KCNIP1: variants seen among roughly 807,000 people sequenced by gnomAD.
KCNIP1 encodes the protein A-type potassium channel modulatory protein KCNIP1.
KCNIP1 carries 18 observed loss-of-function variants against 33.0 expected under a neutral mutation model. That is an observed-to-expected ratio of 0.55 (90% confidence interval 0.38 to 0.81). The LOEUF is 0.81. Among genes scored for constraint, KCNIP1 ranks in the 30% least tolerant of loss-of-function variants. The pLI is 0.00. For synonymous variants in KCNIP1, 93 were observed against 98.3 expected (o/e 0.95, Z 0.32); for missense variants, 238 against 271.6 (o/e 0.88, Z 0.87).
intron 1 of KCNIP1, among the ~76,000 whole-genome samples, chr5:170,656,074 G>A (rs940635340): frequency 3.3e-5 from 5 of 152,142 alleles, no homozygotes; most frequent in East Asian, 1.9e-4. Flanking sequence ...CCTGCCTTCC[G>A]CAAGCAGCGA....
At chr5:170,669,506 T>A in intron 1 of KCNIP1, 1 of 984,902 alleles carries the variant, frequency 1.0e-6, no homozygotes, top group Non-Finnish European at 1.2e-6. Context: ...CAGAACTACC[T>A]TAAATTAATT....
At chr5:170,473,858 A>G (rs1756790635) in intron 1 of KCNIP1, among the ~76,000 whole-genome samples, 1 of 152,122 alleles carries the variant, frequency 6.6e-6, no homozygotes, top group Admixed American at 6.5e-5. Flanking sequence ...CAGTTCTCTG[A>G]CCCAGCCTCA....
At chr5:170,408,025 G>A (rs1417212019) in intron 1 of KCNIP1, among the ~76,000 whole-genome samples, 2 of 152,136 alleles carry the variant, frequency 1.3e-5, no homozygotes, top group African/African-American at 2.4e-5. Context: ...CCTGTAACCT[G>A]GGCAGGATAA....
intron 1 of KCNIP1, among the ~76,000 whole-genome samples, chr5:170,471,048 C>G (rs1206265255): frequency 2.9e-4 from 44 of 152,190 alleles, no homozygotes; most frequent in Non-Finnish European, 4.4e-5. Context: ...ATTTCCTTGG[C>G]TATTGTCTTA....
chr5:170,608,574 C>T (rs1454167852), intron 1 of KCNIP1, among the ~76,000 whole-genome samples: 4 of 152,048 alleles, frequency 2.6e-5, no homozygotes, highest in African/African-American at 9.7e-5. Flanking sequence ...GAGTTTGAGA[C>T]CAGCCTGGCC....
intron 1 of KCNIP1, among the ~76,000 whole-genome samples, chr5:170,438,928 G>A (rs1490359853): frequency 5.3e-5 from 8 of 152,014 alleles, no homozygotes; most frequent in Non-Finnish European, 4.4e-5. Context: ...CTGTCCATAC[G>A]CCACCCAGAC....
intron 1 of KCNIP1, among the ~76,000 whole-genome samples, chr5:170,429,349 A>G (rs569844449): frequency 6.6e-5 from 10 of 151,748 alleles, no homozygotes; most frequent in South Asian, 4.2e-4. Context: ...GTCCTACTTC[A>G]GCCTAGTCTC....
Position 170,654,828 on chromosome 5 carries a change from T to C in KCNIP1, c.62-63930T>C, listed in dbSNP as rs551477564. On this transcript the variant is annotated intron_variant, in intron 1 of 7. Transcript: ENST00000328939. ...TGGTTAATGGTGTGAACAGAGATTT[T>C]CTTTATGGTTTTTGGAATACAGTAA... Among the ~76,000 whole-genome samples the C allele has an allele frequency of 2.0e-4, 31 of 152,362 alleles. No homozygotes were observed. In the South Asian group the frequency reaches 6.4e-3, roughly 32 times the overall value.
chr5:170,362,082 T>G (rs1197345797), intron 1 of KCNIP1, among the ~76,000 whole-genome samples: 2 of 152,254 alleles, frequency 1.3e-5, no homozygotes, highest in African/African-American at 4.8e-5. Flanking sequence ...ACCTGCCATG[T>G]GCCCAGCATT....
At chr5:170,685,019 C>T (rs1362586659) in intron 1 of KCNIP1, among the ~76,000 whole-genome samples, 4 of 152,170 alleles carry the variant, frequency 2.6e-5, no homozygotes, top group East Asian at 3.9e-4. Flanking sequence ...CATTTTTACA[C>T]CATCAAGGTT....
chr5:170,375,276 T>C (rs1172857990), intron 1 of KCNIP1: 1 of 152,228 alleles, frequency 6.6e-6, no homozygotes, highest in Non-Finnish European at 1.5e-5. Flanking sequence ...AAGACTCACA[T>C]GAGGACCTTT....
intron 1 of KCNIP1, among the ~76,000 whole-genome samples, chr5:170,526,938 G>A (rs1327869794): frequency 1.3e-5 from 2 of 152,044 alleles, no homozygotes; most frequent in Non-Finnish European, 2.9e-5. Context: ...GGCCAGGCTG[G>A]TCTTGAATTC....
intron 1 of KCNIP1, among the ~76,000 whole-genome samples, chr5:170,414,793 CT>C (rs1755284428): frequency 6.6e-6 from 1 of 152,212 alleles, no homozygotes; most frequent in South Asian, 2.1e-4. Flanking sequence ...TCTACTTGAG[CT>C]TTTCAACTAA....
At chr5:170,551,312 A>G (rs1052033762) in intron 1 of KCNIP1, among the ~76,000 whole-genome samples, 4 of 152,136 alleles carry the variant, frequency 2.6e-5, no homozygotes, top group African/African-American at 9.7e-5. Context: ...TTCTAAGATT[A>G]CGTTATTATC....
chr5:170,405,477 T>C (rs997932937), intron 1 of KCNIP1, among the ~76,000 whole-genome samples: 2 of 152,178 alleles, frequency 1.3e-5, no homozygotes, highest in Non-Finnish European at 2.9e-5. Context: ...GTGCTGGGAT[T>C]ATCAGCCTGA....
chr5:170,665,532 A>G (rs1266296501), intron 1 of KCNIP1, among the ~76,000 whole-genome samples: 1 of 152,254 alleles, frequency 6.6e-6, no homozygotes, highest in African/African-American at 2.4e-5. Flanking sequence ...AGATAGTAAG[A>G]GAGTTCCCAT....
At chr5:170,467,939 A>G (rs914109170) in intron 1 of KCNIP1, among the ~76,000 whole-genome samples, 6 of 150,704 alleles carry the variant, frequency 4.0e-5, no homozygotes, top group Non-Finnish European at 7.4e-5. Flanking sequence ...AAAAAAAAAA[A>G]GGAAACTAAG....
At chr5:170,719,955 A>G (rs1001711580) in intron 2 of KCNIP1, among the ~76,000 whole-genome samples, 2 of 152,162 alleles carry the variant, frequency 1.3e-5, no homozygotes, top group African/African-American at 4.8e-5. Context: ...ACCACCTAAC[A>G]TAGGTTCATA....
chr5:170,534,492 G>GAGGAGGAGGAGA (rs1561673207), intron 1 of KCNIP1, among the ~76,000 whole-genome samples: 1 of 85,124 alleles, frequency 1.2e-5, no homozygotes, highest in Non-Finnish European at 2.1e-5. Context: ...GGAGGAGGAG[G>GAGGAGGAGGAGA]AGGAGGAGAA....
Sources: gnomAD v4.1 joint callset for allele counts (sites outside exome capture counted in the v4.1 genomes callset) on GRCh38, gnomAD v4.1.1 for gene constraint, MANE v1.5 for transcripts, NCBI Gene and HGNC (gene_info 2026-07-23, HGNC 2026-07-21) for gene names.